Variants in FAM13C observed in about 807,000 individuals in gnomAD.
FAM13C encodes the protein protein FAM13C.
Under a neutral mutation model 73.2 loss-of-function variants are expected in FAM13C, and 37 were observed. The ratio of observed to expected loss-of-function variants is 0.51; its 90% CI spans 0.39 to 0.67. FAM13C has a LOEUF of 0.67. Among genes scored for constraint, FAM13C ranks in the 30% least tolerant of loss-of-function variants. The pLI is 0.00. For synonymous variants in FAM13C, 246 were observed against 260.9 expected, an observed-to-expected ratio of 0.94 and a Z score of 0.55; for missense variants, 589 against 715.6, an observed-to-expected ratio of 0.82 and a Z score of 2.02.
At chr10:59,361,605 C>CAT (rs113659300) in intron 1 of FAM13C, among the ~76,000 whole-genome samples, 77 of 151,388 alleles carry the variant, frequency 5.1e-4, no homozygotes, top group Middle Eastern at 3.4e-3. Context: ...AGTACATATT[C>CAT]ATATATATAT....
intron 3 of FAM13C, among the ~76,000 whole-genome samples, chr10:59,347,060 T>C (rs1443542364): frequency 6.6e-6 from 1 of 152,132 alleles, no homozygotes; most frequent in Non-Finnish European, 1.5e-5. Context: ...ATTTAAGGCA[T>C]TCTTTTGCAA....
At chr10:59,252,700 C>T in intron 12 of FAM13C, 99 bp downstream of exon 12, 1 of 1,203,440 alleles carries the variant, frequency 8.3e-7, no homozygotes, top group Non-Finnish European at 1.2e-6. Context: ...TGACCCACCC[C>T]TTTGAGTCCA....
At chr10:59,319,072 A>AACAC (rs59965630) in intron 4 of FAM13C, among the ~76,000 whole-genome samples, 3,884 of 134,590 alleles carry the variant, frequency 0.029, 75 homozygotes, top group Non-Finnish European at 0.036. Flanking sequence ...TAGCTATTCA[A>AACAC]ACACACACAC....
chr10:59,304,818 G>GGGAA (rs1564554063), intron 4 of FAM13C, among the ~76,000 whole-genome samples: 221 of 66,530 alleles, frequency 3.3e-3, no homozygotes, highest in East Asian at 5.1e-3. Flanking sequence ...GGGAAGGAAA[G>GGGAA]GGGAAGGGGA....
chr10:59,282,764 C>T (rs419515), intron 6 of FAM13C: 113,307 of 151,880 alleles, frequency 0.75, 44,459 homozygotes, highest in East Asian at 0.9. Context: ...CTACCATCCC[C>T]GGAATTAAAG....
intron 4 of FAM13C, among the ~76,000 whole-genome samples, chr10:59,323,018 C>T (rs144614661): frequency 1.3e-3 from 201 of 152,290 alleles, no homozygotes; most frequent in African/African-American, 4.7e-3. Context: ...TTTTGAGGTT[C>T]TATTATTCTA....
intron 5 of FAM13C, among the ~76,000 whole-genome samples, chr10:59,292,323 T>G (rs1364531722): frequency 6.6e-6 from 1 of 152,258 alleles, no homozygotes; most frequent in Non-Finnish European, 1.5e-5. Flanking sequence ...AAAGCTAGTC[T>G]GGGTTGTAGC....
At chr10:59,263,151 T>A (rs1441632092) in intron 9 of FAM13C, among the ~76,000 whole-genome samples, 1 of 152,180 alleles carries the variant, frequency 6.6e-6, no homozygotes, top group Non-Finnish European at 1.5e-5. Context: ...TTTTGCTATT[T>A]TGTCTTATGA....
intron 6 of FAM13C, among the ~76,000 whole-genome samples, chr10:59,278,137 G>T (rs186504362): frequency 6.6e-6 from 1 of 152,228 alleles, no homozygotes; most frequent in Non-Finnish European, 1.5e-5. Flanking sequence ...GACCTCATGT[G>T]ACTTATTCAC....
chr10:59,359,978 G>A (rs1856198268), intron 1 of FAM13C, among the ~76,000 whole-genome samples: 1 of 152,188 alleles, frequency 6.6e-6, no homozygotes, highest in Non-Finnish European at 1.5e-5. Flanking sequence ...CCACAGATAG[G>A]GAAGAAAAGG....
upstream of FAM13C, chr10:59,362,958 C>G (rs1049317091): frequency 6.2e-6 from 1 of 161,248 alleles, no homozygotes; most frequent in African/African-American, 2.4e-5. Flanking sequence ...GATGGAGGCT[C>G]GCAGAGATTC....
At chr10:59,350,669 C>T (rs1307016379) in intron 3 of FAM13C, among the ~76,000 whole-genome samples, 1 of 152,184 alleles carries the variant, frequency 6.6e-6, no homozygotes, top group Non-Finnish European at 1.5e-5. Flanking sequence ...TTTCATCTCA[C>T]TATGAAATTA....
intron 4 of FAM13C, among the ~76,000 whole-genome samples, chr10:59,321,277 A>G (rs914696148): frequency 6.6e-6 from 1 of 152,056 alleles, no homozygotes; most frequent in African/African-American, 2.4e-5. Flanking sequence ...GTGACTACGG[A>G]AGAATGATCA....
chr10:59,251,890 AG>A (rs943113986), intron 12 of FAM13C, among the ~76,000 whole-genome samples: 6 of 152,164 alleles, frequency 3.9e-5, no homozygotes, highest in African/African-American at 1.4e-4. Flanking sequence ...ATCACAGGAT[AG>A]GGGAAAGGAC....
At chr10:59,332,519 C>T (rs902733665) in intron 3 of FAM13C, among the ~76,000 whole-genome samples, 3 of 151,994 alleles carry the variant, frequency 2.0e-5, no homozygotes, top group Non-Finnish European at 4.4e-5. Context: ...TTTCATAATG[C>T]AATGAAATGC....
chr10:59,294,696 G>A (rs1846690053), intron 5 of FAM13C, among the ~76,000 whole-genome samples: 1 of 152,228 alleles, frequency 6.6e-6, no homozygotes, highest in Non-Finnish European at 1.5e-5. Context: ...AGCTGGGAAT[G>A]AGAACTAGTA....
chr10:59,328,868 C>G (rs1181829364), intron 3 of FAM13C, among the ~76,000 whole-genome samples: 1 of 152,092 alleles, frequency 6.6e-6, no homozygotes, highest in Non-Finnish European at 1.5e-5. Flanking sequence ...TTTGGAAAAT[C>G]TTATATTTTC....
intron 3 of FAM13C, among the ~76,000 whole-genome samples, chr10:59,349,798 C>T (rs1312211594): frequency 1.3e-5 from 2 of 151,838 alleles, no homozygotes; most frequent in African/African-American, 2.4e-5. Context: ...GAATGGACTA[C>T]CAAGGAAAAT....
intron 4 of FAM13C, among the ~76,000 whole-genome samples, chr10:59,305,941 C>T (rs1848203471): frequency 6.6e-6 from 1 of 152,228 alleles, no homozygotes; most frequent in African/African-American, 2.4e-5. Context: ...TCCCACAAAA[C>T]AGGCAAAAGC....
Sources: gnomAD v4.1 joint callset for allele counts (sites outside exome capture counted in the v4.1 genomes callset) on GRCh38, gnomAD v4.1.1 for gene constraint, MANE v1.5 for transcripts, NCBI Gene and HGNC (gene_info 2026-07-23, HGNC 2026-07-21) for gene names.